FKBP5: variants seen among roughly 807,000 people sequenced by gnomAD.
FKBP5 encodes the protein FKBP prolyl isomerase 5.
In FKBP5, 23 loss-of-function variants were observed where a neutral mutation model predicts 50.5. That is an observed-to-expected ratio of 0.46 (90% CI 0.33 to 0.65). The LOEUF (loss-of-function observed/expected upper bound fraction) is 0.65. Among genes scored for constraint, FKBP5 ranks in the 30% least tolerant of loss-of-function variants. The pLI, the probability that FKBP5 is intolerant of heterozygous loss-of-function variation, is 0.02. For synonymous variants in FKBP5, 176 were observed against 190.6 expected (o/e 0.92, Z 0.63); for missense variants, 411 against 553.1 (o/e 0.74, Z 2.58).
intron 1 of FKBP5, among the ~76,000 whole-genome samples, chr6:35,684,133 T>A (rs949785618): frequency 1.3e-5 from 2 of 152,082 alleles, no homozygotes; most frequent in Non-Finnish European, 2.9e-5. Flanking sequence ...TAAAAACCCA[T>A]TATTTCACTT....
intron 8 of FKBP5, chr6:35,580,503 C>A: frequency 2.2e-5 from 3 of 135,208 alleles, no homozygotes; most frequent in African/African-American, 3.7e-5. Flanking sequence ...GGGCTATGTT[C>A]TTTGGTGCTA....
intron 1 of FKBP5, among the ~76,000 whole-genome samples, chr6:35,666,394 TAAAAAAAAAAAAA>T (rs550878351): frequency 3.0e-5 from 1 of 33,268 alleles, no homozygotes; most frequent in Non-Finnish European, 5.4e-5. Context: ...CTATTATAGT[TAAAAAAAAAAAAA>T]AAAAAAAAAA....
At chr6:35,642,976 C>G (rs2150989554) in intron 1 of FKBP5, 133 bp from the exon 2 acceptor site, 1 of 608,970 alleles carries the variant, frequency 1.6e-6, no homozygotes, top group South Asian at 2.0e-5. Flanking sequence ...AAAATGAAAA[C>G]AAAGGCATTT....
At chr6:35,596,818 T>A (rs1031277580) in intron 6 of FKBP5, among the ~76,000 whole-genome samples, 14 of 152,028 alleles carry the variant, frequency 9.2e-5, no homozygotes, top group East Asian at 3.8e-4. Flanking sequence ...TTTCAGGGAC[T>A]CTGTATAAGA....
upstream of FKBP5, among the ~76,000 whole-genome samples, chr6:35,691,004 C>T (rs1765976516): frequency 6.6e-6 from 1 of 151,358 alleles, no homozygotes; most frequent in Non-Finnish European, 1.5e-5. Context: ...AAAACTCCAT[C>T]TCAAAAAAAA....
chr6:35,671,279 TAATA>T (rs1253411369), intron 1 of FKBP5, among the ~76,000 whole-genome samples: 1 of 148,732 alleles, frequency 6.7e-6, no homozygotes, highest in Non-Finnish European at 1.5e-5. Flanking sequence ...AAAAAAAAAA[TAATA>T]AATAAATAAA....
At chr6:35,662,478 C>T (rs570984496) in intron 1 of FKBP5, among the ~76,000 whole-genome samples, 18 of 149,814 alleles carry the variant, frequency 1.2e-4, no homozygotes, top group Admixed American at 2.0e-4. Context: ...GAGACAAGGT[C>T]GCACTATGTT....
intron 1 of FKBP5, among the ~76,000 whole-genome samples, chr6:35,722,634 C>T (rs989041172): frequency 4.6e-5 from 7 of 152,230 alleles, no homozygotes; most frequent in African/African-American, 1.7e-4. Context: ...CAAACAACTC[C>T]CAGTGCCCAC....
At chr6:35,593,383 C>T (rs1454249838) in intron 6 of FKBP5, among the ~76,000 whole-genome samples, 1 of 152,194 alleles carries the variant, frequency 6.6e-6, no homozygotes, top group Non-Finnish European at 1.5e-5. Context: ...ACTACAAGCT[C>T]TTACCAATTG....
In FKBP5 at chr6:35,665,204, A is replaced by G. The variant is rs534018976; in HGVS notation, c.-19-22361T>C. On this transcript the variant is annotated intron_variant, in intron 1 of 10. Coordinates refer to ENST00000357266, the MANE Select transcript of FKBP5 (RefSeq NM_004117.4). Reference sequence around the variant, plus strand: ...CATTACTCTCTAATTCATGGACCTTAAATAGTGTTCCAACACAACAAATCT... The same window carrying G: ...CATTACTCTCTAATTCATGGACCTTGAATAGTGTTCCAACACAACAAATCT... Among the ~76,000 whole-genome samples, 8 of 152,188 alleles carry G rather than the reference A, an allele frequency of 5.3e-5. No homozygotes were observed. In the East Asian group the frequency reaches 1.5e-3, roughly 29 times the overall value.
Position 35,577,168 on chromosome 6 carries a change from C to T in FKBP5, c.1092G>A (p.Met364Ile), listed in dbSNP as rs1762248580. ...LYRRGEAQLL[M>I]NEFESAKGDF... Reference sequence around the variant, plus strand: ...CACCCTTGGCTGACTCAAACTCGTTCATGAGCAGCTGGGCTTCACCCCTCC... The same window carrying T: ...CACCCTTGGCTGACTCAAACTCGTTTATGAGCAGCTGGGCTTCACCCCTCC... The change falls in exon 10 of 11, where the codon ATG becomes ATA. Residue 364 changes from methionine (M) to isoleucine (I), a missense_variant. This residue lies in a region of FKBP5 where 267 missense variants were observed against 405.9 expected (regional missense o/e 0.66). Transcript: ENST00000357266. The T allele has an allele frequency of 1.2e-6, 2 of 1,614,040 alleles. No homozygotes were observed. Among genetic ancestry groups the T allele is most frequent in the African/African-American group, 1.3e-5 (1 of 74,934 alleles).
Position 35,573,992 on chromosome 6 carries a change from T to C in FKBP5, c.*1843A>G, listed in dbSNP as rs1162568906. 2 of 152,356 alleles carry C rather than the reference T, an allele frequency of 1.3e-5. No homozygotes were observed. The highest frequency in any genetic ancestry group is 2.4e-5 in the African/African-American group (1 of 41,572). 9.4% of individuals were successfully genotyped at this position (152,356 alleles called of 1,614,324 possible). On this transcript the variant is annotated 3_prime_UTR_variant, in exon 11 of 11. Transcript: ENST00000357266. The stretch of plus-strand genomic sequence containing the variant: ...CTAGGTGGCCTTTTTAGTATCAAAT[T>C]TCAATCTTGGCCTCACTGGAACCAT...
At chr6:35,652,933 C>T (rs2150995337) in intron 1 of FKBP5, among the ~76,000 whole-genome samples, 2 of 152,280 alleles carry the variant, frequency 1.3e-5, no homozygotes, top group Middle Eastern at 3.4e-3. Flanking sequence ...GTACTCTGTC[C>T]TTTTATTTCT....
chr6:35,633,457 C>T (rs1402871295), intron 3 of FKBP5, among the ~76,000 whole-genome samples: 1 of 148,870 alleles, frequency 6.7e-6, no homozygotes, highest in Non-Finnish European at 1.5e-5. Context: ...GCACGAGAAT[C>T]ACTTGAGCCC....
intron 8 of FKBP5, chr6:35,583,390 A>AGGGGG: frequency 2.0e-6 from 2 of 985,474 alleles, no homozygotes; most frequent in Non-Finnish European, 2.4e-6. Context: ...ATGGTAAAAC[A>AGGGGG]AAACAAAACA....
At chr6:35,677,233 C>A (rs1051499279) in intron 1 of FKBP5, among the ~76,000 whole-genome samples, 1 of 152,080 alleles carries the variant, frequency 6.6e-6, no homozygotes, top group Non-Finnish European at 1.5e-5. Flanking sequence ...GCCACCACAC[C>A]CAGCTAATTT....
chr6:35,662,055 CTTT>C (rs1169694658), intron 1 of FKBP5, among the ~76,000 whole-genome samples: 3 of 151,948 alleles, frequency 2.0e-5, no homozygotes, highest in Admixed American at 6.6e-5. Flanking sequence ...GTTACTTTCT[CTTT>C]TTTATTTATT....
Position 35,597,352 on chromosome 6 carries a change from T to C in FKBP5, c.561A>G (p.Ala187=). ...GGTCTTCTCCTTCGCCCACAGTGAA[T>C]GCCACATCTCTGCAGTCAAACATCC... ...GGRMFDCRDV[A]FTVGEGEDHD... The change falls in exon 6 of 11, where the codon GCA becomes GCG. Residue 187 remains alanine, a synonymous_variant. Transcript: ENST00000357266. The C allele has an allele frequency of 6.2e-7, 1 of 1,614,202 alleles. No homozygotes were observed.
chr6:35,641,798 A>G (rs1764498517), intron 2 of FKBP5, among the ~76,000 whole-genome samples: 1 of 152,056 alleles, frequency 6.6e-6, no homozygotes, highest in Admixed American at 6.6e-5. Context: ...TGAGGTCAGG[A>G]GTTCAAGACC....
Sources: gnomAD v4.1 joint callset for allele counts (sites outside exome capture counted in the v4.1 genomes callset) on GRCh38, gnomAD v4.1.1 for gene constraint, gnomAD v4.1.1 regional missense constraint, MANE v1.5 for transcripts, NCBI Gene and HGNC (gene_info 2026-07-23, HGNC 2026-07-21) for gene names.